Variants in PCBP3 observed in about 807,000 individuals in gnomAD.
The protein encoded by PCBP3 is poly(rC) binding protein 3.
A neutral mutation model predicts 52.7 loss-of-function variants in PCBP3; 25 were observed. The ratio of observed to expected loss-of-function variants is 0.47; its 90% CI spans 0.35 to 0.66. The LOEUF is 0.66. PCBP3 is among the 30% of genes least tolerant of loss of function. The pLI, the probability that PCBP3 is intolerant of heterozygous loss-of-function variation, is 0.01. For synonymous variants in PCBP3, 162 were observed against 183.0 expected, an observed-to-expected ratio of 0.89 and a Z score of 0.93; for missense variants, 391 against 490.3, an observed-to-expected ratio of 0.80 and a Z score of 1.91.
chr21:45,782,956 A>C (rs2090755875), intron 4 of PCBP3, among the ~76,000 whole-genome samples: 1 of 152,346 alleles, frequency 6.6e-6, no homozygotes, highest in East Asian at 1.9e-4. Context: ...GACTGATGCC[A>C]TTCTGGCTTT....
chr21:45,759,714 A>G (rs771661111), intron 4 of PCBP3: 2 of 152,346 alleles, frequency 1.3e-5, no homozygotes, highest in Middle Eastern at 3.4e-3. Flanking sequence ...CAATGGAGTA[A>G]AAGTAACATT....
chr21:45,820,517 A>G lies in PCBP3; in HGVS notation c.-125-29444A>G, dbSNP rs939527125. 7.9e-5 allele frequency among the ~76,000 whole-genome samples: 12 copies of G among 152,356 alleles called. No individual in the cohort carries two copies. The East Asian group carries it at 2.3e-3, about 29-fold the overall frequency. On this transcript the variant is annotated intron_variant, in intron 4 of 17. Coordinates refer to ENST00000681687, the MANE Select transcript of PCBP3 (RefSeq NM_001384156.1). ...AGGTGGCTTGGGTTCTGCGGGCCAC[A>G]CGGTCTGCAGTGTGCGTGGCCTTGA...
chr21:45,879,425 A>G (rs1368933283), intron 5 of PCBP3, among the ~76,000 whole-genome samples: 1 of 152,228 alleles, frequency 6.6e-6, no homozygotes, highest in Non-Finnish European at 1.5e-5. Flanking sequence ...AGCTCAGTAC[A>G]AATGATCCAT....
At position 45,755,500 on chromosome 21, in the gene PCBP3, C is replaced by T. The variant is rs531429509; in HGVS notation, c.-126+48C>T. Among the ~76,000 whole-genome samples the T allele has an allele frequency of 2.0e-5, 3 of 152,276 alleles. No individual in the cohort carries two copies. The South Asian group carries it at 6.2e-4, about 32-fold the overall frequency. On this transcript the variant is annotated intron_variant, in intron 4 of 17. Coordinates refer to ENST00000681687, the MANE Select transcript of PCBP3 (RefSeq NM_001384156.1). ...AAGAAACTCCCAAGGAACGCATTGT[C>T]CCAAGTTGCTGCACCAGTCAGTGTA...
Position 45,704,488 on chromosome 21 carries a change from C to T in PCBP3, c.-199-30904C>T, listed in dbSNP as rs1461416677. ...CGCAGCGTCTGCCCCCATTTTCCTG[C>T]TCTCCCCTGGCAGAGGCGCCCCAGG... is the stretch of plus-strand genomic sequence containing the variant. On this transcript the variant is annotated intron_variant, in intron 2 of 17. Transcript: ENST00000681687. The surrounding 1 kb of genome is among the most constrained non-coding windows in gnomAD (Gnocchi z 4.1). 2.0e-5 allele frequency among the ~76,000 whole-genome samples: 3 copies of T among 152,168 alleles called. No individual in the cohort carries two copies. Among genetic ancestry groups the T allele is most frequent in the Non-Finnish European group, 4.4e-5 (3 of 68,018 alleles).
chr21:45,710,947 C>G (rs890269427), intron 2 of PCBP3, among the ~76,000 whole-genome samples: 2 of 152,164 alleles, frequency 1.3e-5, no homozygotes, highest in Non-Finnish European at 2.9e-5. Context: ...GGGGCACTTT[C>G]AGTTGGTTCC....
chr21:45,769,642 G>C (rs2089687046), intron 4 of PCBP3, among the ~76,000 whole-genome samples: 1 of 152,250 alleles, frequency 6.6e-6, no homozygotes, highest in Non-Finnish European at 1.5e-5. Context: ...GTGCAGGCCA[G>C]CCTGCCTCTG....
intron 5 of PCBP3, among the ~76,000 whole-genome samples, chr21:45,875,165 G>A (rs952846443): frequency 6.6e-6 from 1 of 152,108 alleles, no homozygotes; most frequent in Non-Finnish European, 1.5e-5. Flanking sequence ...CATGTTGCGC[G>A]CTCCGGCTGA....
intron 4 of PCBP3, among the ~76,000 whole-genome samples, chr21:45,840,488 C>G (rs1268272729): frequency 6.7e-6 from 1 of 148,390 alleles, no homozygotes; most frequent in Non-Finnish European, 1.5e-5. Flanking sequence ...TTACAGTAAA[C>G]TAATTTAATT....
At chr21:45,743,102 G>T (rs1454539281) in intron 3 of PCBP3, among the ~76,000 whole-genome samples, 1 of 152,040 alleles carries the variant, frequency 6.6e-6, no homozygotes, top group African/African-American at 2.4e-5. Flanking sequence ...ACATTTCATA[G>T]CTTTCTTGCT....
chr21:45,787,323 C>T (rs1240820134), intron 4 of PCBP3, among the ~76,000 whole-genome samples: 2 of 151,904 alleles, frequency 1.3e-5, no homozygotes, highest in Non-Finnish European at 2.9e-5. Flanking sequence ...TAGCTCACTG[C>T]ATCCTCAACT....
chr21:45,929,293 C>T (rs559639338), intron 13 of PCBP3, among the ~76,000 whole-genome samples: 217 of 152,292 alleles, frequency 1.4e-3, no homozygotes, highest in African/African-American at 4.7e-3. Context: ...AACCTTCTAG[C>T]ACTAGTGTTC....
chr21:45,774,720 A>C (rs1221159178), intron 4 of PCBP3, among the ~76,000 whole-genome samples: 1 of 152,158 alleles, frequency 6.6e-6, no homozygotes, highest in Non-Finnish European at 1.5e-5. Context: ...AGTTTTTATC[A>C]TGAGGAGATG....
chr21:45,770,510 T>C (rs758609650), intron 4 of PCBP3, among the ~76,000 whole-genome samples: 1 of 152,196 alleles, frequency 6.6e-6, no homozygotes, highest in African/African-American at 2.4e-5. Context: ...GTGGCAGAGA[T>C]TTTTTTATGG....
At chr21:45,834,867 C>T (rs998156931) in intron 4 of PCBP3, among the ~76,000 whole-genome samples, 9 of 152,356 alleles carry the variant, frequency 5.9e-5, no homozygotes, top group East Asian at 3.9e-4. Flanking sequence ...CACTTCTGAG[C>T]GCTGAGTGCA....
intron 16 of PCBP3, among the ~76,000 whole-genome samples, chr21:45,936,534 C>CAGGTG (rs1472380936): frequency 6.6e-6 from 1 of 152,206 alleles, no homozygotes; most frequent in East Asian, 1.9e-4. Context: ...TGTGGGGTGG[C>CAGGTG]ACAGCCAACT....
At chr21:45,816,136 GGTGA>G (rs2092947472) in intron 4 of PCBP3, among the ~76,000 whole-genome samples, 1 of 135,092 alleles carries the variant, frequency 7.4e-6, no homozygotes, top group South Asian at 2.6e-4. Context: ...GTGAGTGGTG[GGTGA>G]GTGAGTGATG....
At chr21:45,784,576 T>G (rs1055758556) in intron 4 of PCBP3, among the ~76,000 whole-genome samples, 9 of 151,876 alleles carry the variant, frequency 5.9e-5, no homozygotes, top group African/African-American at 1.7e-4. Flanking sequence ...TTCTCCTGCC[T>G]CAGCCTGCCG....
At chr21:45,655,647 A>C (rs1031314324) in intron 1 of PCBP3, among the ~76,000 whole-genome samples, 1 of 152,218 alleles carries the variant, frequency 6.6e-6, no homozygotes, top group African/African-American at 2.4e-5. Flanking sequence ...ACAGAAGCCA[A>C]AATTAACAAA....
Sources: gnomAD v4.1 joint callset for allele counts (sites outside exome capture counted in the v4.1 genomes callset) on GRCh38, gnomAD v4.1.1 for gene constraint, Gnocchi (gnomAD v3.1) non-coding constraint, MANE v1.5 for transcripts, NCBI Gene and HGNC (gene_info 2026-07-23, HGNC 2026-07-21) for gene names.